The following DCST1 variants were observed in gnomAD, a reference collection of about 807,000 sequenced individuals.
The protein encoded by DCST1 is E3 ubiquitin-protein ligase DCST1.
A neutral mutation model predicts 89.1 loss-of-function variants in DCST1; 78 were observed. The ratio of observed to expected loss-of-function variants is 0.88; its 90% CI spans 0.73 to 1.06. The LOEUF (loss-of-function observed/expected upper bound fraction) is 1.06, where lower values mean the gene tolerates loss of function less well. DCST1 is among the 50% of genes least tolerant of loss of function. The pLI, the probability that DCST1 is intolerant of heterozygous loss-of-function variation, is 0.00. For missense variants in DCST1, 900 were observed against 928.6 expected (o/e 0.97, Z 0.40); for synonymous variants, 364 against 371.9 (o/e 0.98, Z 0.24).
chr1:155,047,851 C>G lies in DCST1; in HGVS notation c.1677C>G (p.Gly559=), dbSNP rs763389865. The change falls in exon 15 of 17, where the codon GGC becomes GGG. Residue 559 remains glycine (G), a synonymous_variant. Transcript: ENST00000295542. ...RAYWRAAVPI[G]LLVCLCLLQA... ...ACTGGAGAGCTGCAGTACCGATTGG[C>G]CTGTTAGTGTGTCTCTGCCTGTTAC... 3.2e-5 allele frequency: 51 copies of G among 1,614,080 alleles called. No homozygotes were observed. Among genetic ancestry groups the G allele is most frequent in the Non-Finnish European group, 4.3e-5 (51 of 1,180,048 alleles).
chr1:155,041,285 C>G (rs1411944735), intron 6 of DCST1, 112 bp from the exon 7 acceptor site: 1 of 1,085,838 alleles, frequency 9.2e-7, no homozygotes, highest in Admixed American at 2.1e-5. Flanking sequence ...GGCTCCCTGT[C>G]GGCCTGGGGT....
At position 155,046,201 on chromosome 1, in the gene DCST1, C is replaced by T. The variant is rs554350190; in HGVS notation, c.1349C>T (p.Ala450Val). 13 of 1,614,082 alleles carry T rather than the reference C, an allele frequency of 8.1e-6. No individual in the cohort carries two copies. The South Asian group carries it at 1.2e-4, about 15-fold the overall frequency. Reference protein sequence around the residue: ...VIFPCKPTIQASEMSNVVREL... With the variant: ...VIFPCKPTIQVSEMSNVVREL... ...TTCCCTTGCAAGCCCACCATCCAGG[C>T]CTCAGAAATGAGCAATGTGGTGAGG... The change falls in exon 12 of 17, where the codon GCC (alanine) becomes GTC (valine). Residue 450 changes from alanine to valine, a missense_variant. Transcript: ENST00000295542.
Position 155,046,365 on chromosome 1 carries a change from G to A in DCST1, c.1374G>A (p.Arg458=), listed in dbSNP as rs1660628548. 1.9e-6 allele frequency: 3 copies of A among 1,614,130 alleles called. No homozygotes were observed. Among genetic ancestry groups the A allele is most frequent in the Admixed American group, 1.7e-5 (1 of 60,024 alleles). Residue 458 remains arginine, a synonymous_variant, in exon 13 of 17, where the codon AGG becomes AGA. Transcript: ENST00000295542. ...CCCTCCTGCTCCTTGGCCAGGTGAG[G>A]GAGCTCCTGGAGACACTGCCCATTC... is the stretch of plus-strand genomic sequence containing the variant. ...IQASEMSNVV[R]ELLETLPILL...
At chr1:155,043,128 TG>T (rs907627371) in intron 9 of DCST1, among the ~76,000 whole-genome samples, 4 of 151,122 alleles carry the variant, frequency 2.6e-5, no homozygotes, top group African/African-American at 9.8e-5. Context: ...TGGCCTGGGG[TG>T]GGAGCTATCA....
intron 13 of DCST1, 112 bp downstream of exon 13, chr1:155,046,598 C>CTATTTT: frequency 2.1e-4 from 88 of 415,556 alleles, no homozygotes; most frequent in Non-Finnish European, 2.7e-4. Flanking sequence ...GTCCTTCTGC[C>CTATTTT]TCTTTTTTTT....
At chr1:155,040,703 T>C in intron 6 of DCST1, 79 bp downstream of exon 6, 2 of 1,477,044 alleles carry the variant, frequency 1.4e-6, no homozygotes, top group Non-Finnish European at 1.8e-6. Flanking sequence ...GTTGTCACCC[T>C]GGATTTACAG....
chr1:155,047,129 C>T (rs2102362554), intron 13 of DCST1, 67 bp from the exon 14 acceptor site: 1 of 1,271,174 alleles, frequency 7.9e-7, no homozygotes, highest in Non-Finnish European at 1.2e-6. Context: ...CCCTGACATC[C>T]ACCCCCTTAA....
Position 155,041,528 on chromosome 1 carries a change from C to A in DCST1, c.663C>A (p.Gly221=), listed in dbSNP as rs756840956. Residue 221 remains glycine, a synonymous_variant, in exon 7 of 17, where the codon GGC becomes GGA. Transcript: ENST00000295542. The part of the protein sequence containing the change: ...DTMDSGETAQ[G]REARQAPASR... ...TGGACTCAGGGGAGACAGCCCAGGG[C>A]AGGGAGGCCCGCCAAGCCCCAGCCT... is the stretch of plus-strand genomic sequence containing the variant. The A allele has an allele frequency of 1.9e-6, 3 of 1,613,916 alleles. No homozygotes were observed. The highest frequency in any genetic ancestry group is 1.3e-5 in the African/African-American group (1 of 74,948).
chr1:155,034,577 A>C lies in DCST1; in HGVS notation c.187+17A>C. 1.2e-6 allele frequency: 2 copies of C among 1,613,950 alleles called. No individual in the cohort carries two copies. Among genetic ancestry groups the C allele is most frequent in the South Asian group, 2.2e-5 (2 of 91,084 alleles). ...TGGCCATAGGTGAGTGTGGAAGCAG[A>C]AAGTTCGGGGTGGGCAGAGGCTGGA... is the stretch of plus-strand genomic sequence containing the variant. On this transcript the variant is annotated intron_variant, in intron 3 of 16. Coordinates refer to ENST00000295542, the MANE Select transcript of DCST1 (RefSeq NM_152494.4).
chr1:155,033,810 G>A (rs1660182594), upstream of DCST1: 1 of 1,494,700 alleles, frequency 6.7e-7, no homozygotes. Flanking sequence ...CACTGCATAT[G>A]TCTTGGAATC....
At chr1:155,046,069 GA>G in intron 11 of DCST1, 55 bp from the exon 12 acceptor site, 1 of 1,613,914 alleles carries the variant, frequency 6.2e-7, no homozygotes, top group African/African-American at 1.3e-5. Flanking sequence ...GGAAGGCAGA[GA>G]GGAAAGGGCA....
At position 155,040,476 on chromosome 1, in the gene DCST1, T is replaced by C. The variant is rs760118373; in HGVS notation, c.392-9T>C. On this transcript the variant is annotated splice_polypyrimidine_tract_variant and intron_variant, in intron 5 of 16. Coordinates refer to ENST00000295542, the MANE Select transcript of DCST1 (RefSeq NM_152494.4). ...CAGGGAGGTGACCAACCAGGGCCTCTTTCTCCAGGGCCAGTAGCCAATCTG... is the reference window on the plus strand; with the variant it reads ...CAGGGAGGTGACCAACCAGGGCCTCCTTCTCCAGGGCCAGTAGCCAATCTG... 23 of 1,597,248 alleles carry C rather than the reference T, an allele frequency of 1.4e-5. No homozygotes were observed. Among genetic ancestry groups the C allele is most frequent in the East Asian group, 6.7e-5 (3 of 44,460 alleles).
rs1466857781 is a variant in DCST1 at position 155,041,606 on chromosome 1, T to C, written c.741T>C (p.Arg247=). ...TGTATGAGCTGAAGACCAAGCTGCG[T>C]TGCTCCTGTGAGGGGTATCCCTGGG... ...QKMYELKTKL[R]CSYVVNQAIL... The change falls in exon 7 of 17, where the codon CGT becomes CGC. Residue 247 remains arginine, a synonymous_variant. Coordinates refer to ENST00000295542, the MANE Select transcript of DCST1 (RefSeq NM_152494.4). 2.5e-6 allele frequency: 4 copies of C among 1,614,068 alleles called. No homozygotes were observed. The highest frequency in any genetic ancestry group is 2.2e-5 in the South Asian group (2 of 91,078).
chr1:155,046,280 G>A, intron 12 of DCST1, 60 bp downstream of exon 12: 3 of 1,614,074 alleles, frequency 1.9e-6, no homozygotes, highest in South Asian at 2.2e-5. Context: ...GGTGAGGGTG[G>A]AGGGTAAAAG....
In DCST1 at chr1:155,042,750, G is replaced by T; in HGVS notation, c.908G>T (p.Cys303Phe). ...CGIAKVMEVW[C>F]RNRIPVEGNF... ...TGTTCACCAGTGATGGAGGTTTGGT[G>T]CCGCAATCGCATCCCAGTGGAAGGC... The change falls in exon 9 of 17, where the codon TGC becomes TTC. Residue 303 changes from cysteine to phenylalanine, a missense_variant. Coordinates refer to ENST00000295542, the MANE Select transcript of DCST1 (RefSeq NM_152494.4). 1 of 1,614,214 alleles carries T rather than the reference G, an allele frequency of 6.2e-7. No individual in the cohort carries two copies. The highest frequency in any genetic ancestry group is 8.5e-7 in the Non-Finnish European group (1 of 1,180,040).
chr1:155,044,202 C>T (rs1660531314), intron 10 of DCST1, among the ~76,000 whole-genome samples: 1 of 152,194 alleles, frequency 6.6e-6, no homozygotes, highest in South Asian at 2.1e-4. Flanking sequence ...CTCATGATCG[C>T]CAGGCATGGC....
At chr1:155,043,205 T>C (rs1571564260) in intron 9 of DCST1, 147 bp from the exon 10 acceptor site, 6 of 1,137,372 alleles carry the variant, frequency 5.3e-6, no homozygotes, top group Admixed American at 4.5e-5. Context: ...AGGAGGGTGG[T>C]GAGCAGAAGG....
chr1:155,043,474 GC>G lies in DCST1; in HGVS notation c.1138del (p.Leu380CysfsTer74). On this transcript the variant is annotated frameshift_variant, in exon 10 of 17. Transcript: ENST00000295542. LOFTEE classifies it high-confidence loss of function. ...AGTGGGCCCTGGGGCTGCTGCACGTGCTGCTCTCCTGCACTTTCCTGCTGGT... is the reference window on the plus strand; with the variant it reads ...AGTGGGCCCTGGGGCTGCTGCACGTGTGCTCTCCTGCACTTTCCTGCTGGT... ...LEWALGLLHV[L>X]LSCTFLLVLH... 1 of 1,608,500 alleles carries G rather than the reference GC, an allele frequency of 6.2e-7. No individual in the cohort carries two copies. Among genetic ancestry groups the G allele is most frequent in the Non-Finnish European group, 8.5e-7 (1 of 1,177,400 alleles).
At chr1:155,050,063 A>T (rs747540449) in intron 16 of DCST1, among the ~76,000 whole-genome samples, 1 of 152,252 alleles carries the variant, frequency 6.6e-6, no homozygotes, top group Non-Finnish European at 1.5e-5. Context: ...CCTGTCTGGC[A>T]GGCAGCAGGG....
Sources: gnomAD v4.1 joint callset for allele counts (sites outside exome capture counted in the v4.1 genomes callset) on GRCh38, gnomAD v4.1.1 for gene constraint, MANE v1.5 for transcripts, NCBI Gene and HGNC (gene_info 2026-07-23, HGNC 2026-07-21) for gene names.